VPS13B: variants seen among roughly 807,000 people sequenced by gnomAD.
The protein encoded by VPS13B is intermembrane lipid transfer protein VPS13B.
In VPS13B, 285 loss-of-function variants were observed where a neutral mutation model predicts 426.4. That is an observed-to-expected ratio of 0.67 (90% CI 0.61 to 0.74). VPS13B has a LOEUF of 0.74. Ranked by LOEUF, VPS13B falls within the 30% of genes least tolerant of loss-of-function variation. The probability of loss-of-function intolerance (pLI) is 0.00; values close to 1 mark genes in which losing one functional copy is unlikely to be tolerated. For missense variants in VPS13B, 4,537 were observed against 4,782.6 expected (o/e 0.95, Z 1.51); for synonymous variants, 1,676 against 1,676.4 (o/e 1.00, Z 0.01).
intron 33 of VPS13B, among the ~76,000 whole-genome samples, chr8:99,609,960 C>T (rs926936472): frequency 1.3e-5 from 2 of 152,190 alleles, no homozygotes; most frequent in Admixed American, 6.5e-5. Flanking sequence ...TGATGTTAAA[C>T]GGTCCTTAAT....
intron 19 of VPS13B, among the ~76,000 whole-genome samples, chr8:99,301,395 G>A (rs1044689055): frequency 6.6e-6 from 1 of 151,394 alleles, no homozygotes; most frequent in Admixed American, 6.6e-5. Flanking sequence ...CCAGGTTCAA[G>A]CAATTCTCCT....
intron 33 of VPS13B, among the ~76,000 whole-genome samples, chr8:99,607,579 C>A (rs1045376041): frequency 3.3e-5 from 5 of 152,084 alleles, no homozygotes; most frequent in African/African-American, 1.2e-4. Context: ...ATATATAGGT[C>A]TAGTAGCAGG....
chr8:99,153,579 A>G (rs1811190428), intron 14 of VPS13B, among the ~76,000 whole-genome samples: 2 of 152,182 alleles, frequency 1.3e-5, no homozygotes, highest in Admixed American at 6.5e-5. Context: ...GTTTCTTATA[A>G]TAAAAGAAAT....
At chr8:99,193,702 T>C (rs1813733850) in intron 17 of VPS13B, among the ~76,000 whole-genome samples, 1 of 152,148 alleles carries the variant, frequency 6.6e-6, no homozygotes, top group South Asian at 2.1e-4. Flanking sequence ...AAAGTAACAT[T>C]ATTTTTAATT....
rs977898586 is a variant in VPS13B at position 99,457,144 on chromosome 8, G to A, written c.3446-10270G>A. ...CCTCCCGGGTTCAAGCCATTCTCCC[G>A]CCTCAGCCTCCTGAGTAGCCACGAT... On this transcript the variant is annotated intron_variant, in intron 23 of 61. Transcript: ENST00000357162. Among the ~76,000 whole-genome samples, 15 of 151,232 alleles carry A rather than the reference G, an allele frequency of 9.9e-5. No individual in the cohort carries two copies. The East Asian group carries it at 1.6e-3, about 16-fold the overall frequency.
At chr8:99,713,437 G>A (rs1588647373) in intron 36 of VPS13B, among the ~76,000 whole-genome samples, 2 of 152,284 alleles carry the variant, frequency 1.3e-5, no homozygotes, top group African/African-American at 4.8e-5. Context: ...AGACACACCT[G>A]AAGAGGTGCT....
At chr8:99,015,939 G>A (rs544800712) in intron 2 of VPS13B, among the ~76,000 whole-genome samples, 77 of 152,264 alleles carry the variant, frequency 5.1e-4, no homozygotes, top group African/African-American at 1.8e-3. Flanking sequence ...TAAAAGAGGC[G>A]ACTGGTAATC....
intron 30 of VPS13B, among the ~76,000 whole-genome samples, chr8:99,545,465 AG>A (rs1171009595): frequency 6.6e-6 from 1 of 152,130 alleles, no homozygotes; most frequent in Non-Finnish European, 1.5e-5. Flanking sequence ...CAAGGAATTA[AG>A]GAGCTAAATT....
At chr8:99,624,858 C>T (rs1284784903) in intron 33 of VPS13B, among the ~76,000 whole-genome samples, 1 of 150,446 alleles carries the variant, frequency 6.6e-6, no homozygotes, top group African/African-American at 2.5e-5. Flanking sequence ...GCTCTTGTTG[C>T]CCAGGCTGGG....
At chr8:99,630,203 G>A (rs1162520024) in intron 33 of VPS13B, among the ~76,000 whole-genome samples, 1 of 152,076 alleles carries the variant, frequency 6.6e-6, no homozygotes, top group Non-Finnish European at 1.5e-5. Context: ...CTCTTAACCT[G>A]CCACCCAGAG....
chr8:99,143,252 C>T (rs1017923349), intron 13 of VPS13B, 87 bp downstream of exon 13: 83 of 1,562,258 alleles, frequency 5.3e-5, no homozygotes, highest in Non-Finnish European at 6.2e-5. Flanking sequence ...GCTAACTTTA[C>T]GTTTTTAGTG....
chr8:99,819,586 A>G lies in VPS13B; in HGVS notation c.8792+4A>G, dbSNP rs1814247065. The G allele has an allele frequency of 6.2e-7, 1 of 1,613,154 alleles. No homozygotes were observed. Among genetic ancestry groups the G allele is most frequent in the African/African-American group, 1.3e-5 (1 of 74,866 alleles). On this transcript the variant is annotated splice_donor_region_variant and intron_variant, in intron 48 of 61. Coordinates refer to ENST00000357162, the MANE Select transcript of VPS13B (RefSeq NM_152564.5). The stretch of plus-strand genomic sequence containing the variant: ...ATAATAAGAAGGATTCTGACAGGTA[A>G]TATTCTTCAGTGATCTTTTTCTACA...
intron 33 of VPS13B, among the ~76,000 whole-genome samples, chr8:99,603,350 T>G (rs527786125): frequency 6.6e-6 from 1 of 152,146 alleles, no homozygotes; most frequent in Non-Finnish European, 1.5e-5. Context: ...TATCCTATGT[T>G]TTTCCTGCAC....
chr8:99,589,844 G>A (rs1163253782), intron 33 of VPS13B, among the ~76,000 whole-genome samples: 1 of 152,050 alleles, frequency 6.6e-6, no homozygotes, highest in Non-Finnish European at 1.5e-5. Context: ...GGATGATGTT[G>A]GCCTCATAAA....
intron 56 of VPS13B, 108 bp downstream of exon 56, chr8:99,854,364 GAC>G (rs1816445569): frequency 5.8e-6 from 7 of 1,213,282 alleles, no homozygotes; most frequent in African/African-American, 4.5e-5. Context: ...GGCAAGAGGT[GAC>G]ACACCTGAGC....
At chr8:99,078,781 G>A (rs1168999614) in intron 3 of VPS13B, among the ~76,000 whole-genome samples, 1 of 152,150 alleles carries the variant, frequency 6.6e-6, no homozygotes. Context: ...TGGCAGGCCA[G>A]CAGTGGTGTT....
chr8:99,253,257 G>A (rs1044995496), intron 17 of VPS13B, among the ~76,000 whole-genome samples: 1 of 151,906 alleles, frequency 6.6e-6, no homozygotes, highest in African/African-American at 2.4e-5. Context: ...TATTTGAGTT[G>A]TTTCCACTTT....
chr8:99,478,010 A>G (rs1444703941), intron 24 of VPS13B, among the ~76,000 whole-genome samples: 1 of 152,022 alleles, frequency 6.6e-6, no homozygotes, highest in East Asian at 1.9e-4. Flanking sequence ...GCGACTTGGT[A>G]GGCTAAGGTG....
intron 33 of VPS13B, among the ~76,000 whole-genome samples, chr8:99,626,786 A>G (rs1405625877): frequency 6.6e-6 from 1 of 152,200 alleles, no homozygotes; most frequent in East Asian, 1.9e-4. Flanking sequence ...TATATACCCA[A>G]AGGAACTGAA....
Sources: gnomAD v4.1 joint callset for allele counts (sites outside exome capture counted in the v4.1 genomes callset) on GRCh38, gnomAD v4.1.1 for gene constraint, MANE v1.5 for transcripts, NCBI Gene and HGNC (gene_info 2026-07-23, HGNC 2026-07-21) for gene names.